Variants in GPHN observed in about 807,000 individuals in gnomAD.
GPHN encodes gephyrin.
In GPHN, 17 loss-of-function variants were observed where a neutral mutation model predicts 95.5. The ratio of observed to expected loss-of-function variants is 0.18; its 90% CI spans 0.12 to 0.27. The LOEUF (loss-of-function observed/expected upper bound fraction) is 0.27. Among genes scored for constraint, GPHN ranks in the 10% least tolerant of loss-of-function variants. The pLI, the probability that GPHN is intolerant of heterozygous loss-of-function variation, is 1.00. For missense variants in GPHN, 660 were observed against 978.1 expected (o/e 0.67, Z 4.34); for synonymous variants, 320 against 322.5 (o/e 0.99, Z 0.08).
At chr14:66,875,214 A>G (rs1596238732) in intron 4 of GPHN, among the ~76,000 whole-genome samples, 1 of 152,196 alleles carries the variant, frequency 6.6e-6, no homozygotes, top group Admixed American at 6.6e-5. Context: ...TGCTGAGACA[A>G]TTTGTCATCA....
At chr14:67,319,041 G>A in the GPHN span, among the ~76,000 whole-genome samples, 2 of 150,058 alleles carry the variant, frequency 1.3e-5, no homozygotes, top group Non-Finnish European at 2.9e-5. Context: ...CTGGGCGACA[G>A]AGCGAGACTC....
intron 18 of GPHN, among the ~76,000 whole-genome samples, chr14:67,144,238 AAAAAAAAAAAAAATAT>A (rs2080689880): frequency 2.9e-5 from 1 of 34,732 alleles, no homozygotes; most frequent in African/African-American, 3.2e-4. Context: ...CCCTGTCTTA[AAAAAAAAAAAAAATAT>A]ATATATATAT....
intron 13 of GPHN, among the ~76,000 whole-genome samples, chr14:67,102,229 T>C (rs1372098598): frequency 3.3e-5 from 5 of 152,046 alleles, no homozygotes; most frequent in Non-Finnish European, 7.4e-5. Context: ...GTTACGAAGG[T>C]TGATCAACAG....
At chr14:66,850,763 A>T (rs969968867) in intron 4 of GPHN, among the ~76,000 whole-genome samples, 4 of 152,172 alleles carry the variant, frequency 2.6e-5, no homozygotes, top group Non-Finnish European at 5.9e-5. Flanking sequence ...AATATCGAGT[A>T]CGCACTAACT....
At chr14:67,102,211 T>G (rs1258672518) in intron 13 of GPHN, among the ~76,000 whole-genome samples, 1 of 151,960 alleles carries the variant, frequency 6.6e-6, no homozygotes, top group East Asian at 1.9e-4. Context: ...CATCTGTCAA[T>G]CCGGTGAGTT....
chr14:67,636,948 ACAGTTAGAGAAAGGGAAAGT>A, the GPHN span, among the ~76,000 whole-genome samples: 26 of 152,358 alleles, frequency 1.7e-4, no homozygotes, highest in South Asian at 5.0e-3. Context: ...GACCTGATGC[ACAGTTAGAGAAAGGGAAAGT>A]TCCCACAGGC....
chr14:67,110,963 A>C (rs1365551063), intron 14 of GPHN, among the ~76,000 whole-genome samples: 1 of 152,244 alleles, frequency 6.6e-6, no homozygotes, highest in Non-Finnish European at 1.5e-5. Context: ...AGTATAAGCC[A>C]GTAATAAAAG....
the GPHN span, chr14:67,648,128 C>T: frequency 1.2e-5 from 19 of 1,613,992 alleles, no homozygotes; most frequent in Admixed American, 6.7e-5. Flanking sequence ...CTCCTGTTGT[C>T]GGGGGACTAA....
the GPHN span, among the ~76,000 whole-genome samples, chr14:67,216,351 G>A: frequency 1.3e-5 from 2 of 151,898 alleles, no homozygotes; most frequent in African/African-American, 4.8e-5. Flanking sequence ...CATAGAATGA[G>A]TTAATCACGT....
At chr14:66,509,342 C>T (rs1199809751) in intron 1 of GPHN, 1 of 152,336 alleles carries the variant, frequency 6.6e-6, no homozygotes, top group East Asian at 1.9e-4. Flanking sequence ...GATTCCCCTA[C>T]TCGGGCTCCT....
Position 66,915,989 on chromosome 14 carries a change from C to T in GPHN, c.390-14C>T. 1 of 1,516,734 alleles carries T rather than the reference C, an allele frequency of 6.6e-7. No homozygotes were observed. Among genetic ancestry groups the T allele is most frequent in the Non-Finnish European group, 9.2e-7 (1 of 1,091,158 alleles). 94.0% of individuals were successfully genotyped at this position (1,516,734 alleles called of 1,614,324 possible). ...TAGCAATTTAGTGTTCATCTACTTT[C>T]TCTTTTCTTTCAGGCCTGTATGTGG... On this transcript the variant is annotated splice_polypyrimidine_tract_variant and intron_variant, in intron 5 of 22. Transcript: ENST00000478722.
At chr14:66,793,331 GAAA>G (rs1369025838) in intron 3 of GPHN, among the ~76,000 whole-genome samples, 3 of 152,158 alleles carry the variant, frequency 2.0e-5, no homozygotes, top group Non-Finnish European at 2.9e-5. Flanking sequence ...ATTTGACAGG[GAAA>G]GCACAAAGAA....
chr14:67,133,818 A>C (rs931674540), intron 17 of GPHN, among the ~76,000 whole-genome samples: 2 of 152,174 alleles, frequency 1.3e-5, no homozygotes, highest in African/African-American at 4.8e-5. Context: ...CATGTGATCA[A>C]CTTAGAACTC....
At chr14:67,296,996 T>A in the GPHN span, among the ~76,000 whole-genome samples, 4 of 152,146 alleles carry the variant, frequency 2.6e-5, no homozygotes, top group African/African-American at 9.7e-5. Context: ...CTGAAAAAAA[T>A]TCAGTACTTT....
In GPHN at chr14:66,546,406, A is replaced by T. The variant is rs2059598044; in HGVS notation, c.64+37815A>T. Among the ~76,000 whole-genome samples, 4 of 152,160 alleles carry T rather than the reference A, an allele frequency of 2.6e-5. 1 individual carries two copies. The highest frequency in any genetic ancestry group is 2.6e-4 in the Admixed American group (4 of 15,290). On this transcript the variant is annotated intron_variant, in intron 1 of 22. Transcript: ENST00000478722. ...GAGGCTGCAATCTCGGCACTTTGGG[A>T]GGCCAAGGCAGGCGGCTGGGAGGTG...
the GPHN span, among the ~76,000 whole-genome samples, chr14:67,413,490 G>A: frequency 6.6e-6 from 1 of 152,214 alleles, no homozygotes; most frequent in Non-Finnish European, 1.5e-5. Context: ...GGGAAGAGAA[G>A]GCTCTAGAGA....
At chr14:67,203,379 T>C in the GPHN span, 3 of 1,135,402 alleles carry the variant, frequency 2.6e-6, no homozygotes, top group South Asian at 5.2e-5. Context: ...CTGATGACAA[T>C]TGCGCCAGTG....
the GPHN span, among the ~76,000 whole-genome samples, chr14:67,563,211 G>C: frequency 6.6e-6 from 1 of 152,206 alleles, no homozygotes; most frequent in Non-Finnish European, 1.5e-5. Flanking sequence ...ATGGTCAAGA[G>C]CATAGGCCCC....
intron 1 of GPHN, among the ~76,000 whole-genome samples, chr14:66,593,291 T>TA (rs1261190524): frequency 6.6e-6 from 1 of 150,634 alleles, no homozygotes. Context: ...TCCCAGAACT[T>TA]AAAGTATTTA....
Sources: allele counts gnomAD v4.1 joint callset (sites outside exome capture counted in the v4.1 genomes callset), GRCh38; gene constraint gnomAD v4.1.1; transcripts MANE v1.5; gene names NCBI Gene and HGNC (gene_info 2026-07-23, HGNC 2026-07-21).